The following CADPS variants were observed in gnomAD, a reference collection of about 807,000 sequenced individuals.
CADPS encodes calcium dependent secretion activator.
Under a neutral mutation model 167.3 loss-of-function variants are expected in CADPS, and 57 were observed. The ratio of observed to expected loss-of-function variants is 0.34; its 90% CI spans 0.28 to 0.42. The LOEUF (loss-of-function observed/expected upper bound fraction) is 0.42. CADPS is among the 20% of genes least tolerant of loss of function. The probability of loss-of-function intolerance (pLI) is 1.00; values close to 1 mark genes in which losing one functional copy is unlikely to be tolerated. For missense variants in CADPS, 1,414 were observed against 1,738.1 expected (o/e 0.81, Z 3.32); for synonymous variants, 676 against 635.3 (o/e 1.06, Z -0.96).
At chr3:62,489,317 C>A (rs62243488) in intron 21 of CADPS, among the ~76,000 whole-genome samples, 135 of 152,082 alleles carry the variant, frequency 8.9e-4, no homozygotes, top group Non-Finnish European at 1.5e-3. Flanking sequence ...CCCACCACCA[C>A]GCCCAGCTAA....
intron 18 of CADPS, 114 bp from the exon 19 acceptor site, chr3:62,493,779 T>G: frequency 1.2e-6 from 1 of 861,178 alleles, no homozygotes. Context: ...ACCTCACTGA[T>G]TCAGATTAAT....
intron 6 of CADPS, among the ~76,000 whole-genome samples, chr3:62,595,929 A>G (rs2058846173): frequency 6.6e-6 from 1 of 152,116 alleles, no homozygotes; most frequent in South Asian, 2.1e-4. Context: ...TCTTTCTCCC[A>G]TGCTGGATGC....
At chr3:62,630,005 AT>A (rs956589118) in intron 6 of CADPS, among the ~76,000 whole-genome samples, 2 of 151,972 alleles carry the variant, frequency 1.3e-5, no homozygotes, top group Non-Finnish European at 2.9e-5. Context: ...ACTCTGTTTA[AT>A]TTTTTTCATA....
At chr3:62,788,731 C>A (rs1343086489) in intron 1 of CADPS, among the ~76,000 whole-genome samples, 1 of 152,138 alleles carries the variant, frequency 6.6e-6, no homozygotes, top group Non-Finnish European at 1.5e-5. Flanking sequence ...GAATAAACTG[C>A]TGTCTTGCCC....
At chr3:62,614,565 G>A (rs1390052986) in intron 6 of CADPS, among the ~76,000 whole-genome samples, 1 of 152,198 alleles carries the variant, frequency 6.6e-6, no homozygotes, top group Non-Finnish European at 1.5e-5. Context: ...TCAGGCATCT[G>A]TATTCTGTAT....
chr3:62,631,200 T>C (rs1248098713), intron 6 of CADPS, among the ~76,000 whole-genome samples: 1 of 152,004 alleles, frequency 6.6e-6, no homozygotes. Context: ...AAAATTTAGG[T>C]GGTAGGTAAT....
intron 6 of CADPS, among the ~76,000 whole-genome samples, chr3:62,642,917 CAAAA>C (rs1563246952): frequency 1.5e-5 from 1 of 66,244 alleles, no homozygotes; most frequent in Admixed American, 1.3e-4. Context: ...TCTCAAAAGA[CAAAA>C]CAAAACAAAA....
intron 1 of CADPS, among the ~76,000 whole-genome samples, chr3:62,821,890 AC>A (rs1264284947): frequency 1.3e-5 from 2 of 151,746 alleles, no homozygotes; most frequent in Non-Finnish European, 2.9e-5. Context: ...TCATTCCCAA[AC>A]TCAGTTTGTT....
At chr3:62,506,105 G>A (rs554750788) in intron 17 of CADPS, among the ~76,000 whole-genome samples, 4 of 152,244 alleles carry the variant, frequency 2.6e-5, no homozygotes, top group African/African-American at 9.6e-5. Context: ...TACTATTTAA[G>A]ACAGCTGTGC....
intron 1 of CADPS, among the ~76,000 whole-genome samples, chr3:62,772,500 A>G (rs147256138): frequency 1.3e-5 from 2 of 152,326 alleles, no homozygotes; most frequent in Middle Eastern, 3.4e-3. Flanking sequence ...CATGGTATCT[A>G]TCTCATGACC....
chr3:62,844,584 T>A (rs1405004676), intron 1 of CADPS, among the ~76,000 whole-genome samples: 2 of 152,118 alleles, frequency 1.3e-5, no homozygotes, highest in African/African-American at 4.8e-5. Flanking sequence ...GAAAAACAAA[T>A]AATCTAAGCT....
At chr3:62,665,331 C>A (rs1352582551) in intron 3 of CADPS, among the ~76,000 whole-genome samples, 1 of 152,132 alleles carries the variant, frequency 6.6e-6, no homozygotes, top group African/African-American at 2.4e-5. Flanking sequence ...AATCACAGAG[C>A]AGTTTGGAAA....
intron 1 of CADPS, among the ~76,000 whole-genome samples, chr3:62,774,108 T>C (rs1017861860): frequency 2.0e-5 from 3 of 151,844 alleles, no homozygotes; most frequent in African/African-American, 7.3e-5. Context: ...GAAAAATGCA[T>C]CTAGAAGGTG....
At chr3:62,486,925 G>T (rs528713381) in intron 21 of CADPS, among the ~76,000 whole-genome samples, 1 of 152,318 alleles carries the variant, frequency 6.6e-6, no homozygotes, top group Non-Finnish European at 1.5e-5. Context: ...CTAGGCAAAG[G>T]GTAGTAACAT....
intron 1 of CADPS, among the ~76,000 whole-genome samples, chr3:62,790,639 G>A (rs146262389): frequency 6.6e-6 from 1 of 152,298 alleles, no homozygotes; most frequent in Non-Finnish European, 1.5e-5. Context: ...TACATCTCCT[G>A]TTTGAGCCTT....
In CADPS at chr3:62,687,974, C is replaced by T. The variant is rs182539286; in HGVS notation, c.889-25580G>A. Among the ~76,000 whole-genome samples the T allele has an allele frequency of 1.6e-3, 239 of 152,004 alleles. 1 individual carries two copies. The highest frequency in any genetic ancestry group is 5.2e-3 in the Admixed American group (80 of 15,268). ...CTAAAGTAAAACAATTCTTCAAATC[C>T]CTTTCATCATTTATTCAACAAGTAT... On this transcript the variant is annotated intron_variant, in intron 3 of 29. Coordinates refer to ENST00000383710, the MANE Select transcript of CADPS (RefSeq NM_003716.4).
Position 62,421,095 on chromosome 3 carries a change from G to A in CADPS, c.3777+17009C>T, listed in dbSNP as rs557947695. ...CCAGGAGGTAAGAAGTCTGCGTCAG[G>A]TCCCCCATTGAAGTGTTCAGATGGG... On this transcript the variant is annotated intron_variant, in intron 28 of 29. Coordinates refer to ENST00000383710, the MANE Select transcript of CADPS (RefSeq NM_003716.4). This position sits in a 1 kb window ranked among gnomAD's most constrained non-coding sequence, Gnocchi z 4.7. 6.6e-6 allele frequency among the ~76,000 whole-genome samples: 1 copy of A among 152,212 alleles called. No individual in the cohort carries two copies. Among genetic ancestry groups the A allele is most frequent in the Non-Finnish European group, 1.5e-5 (1 of 68,014 alleles).
intron 3 of CADPS, among the ~76,000 whole-genome samples, chr3:62,708,251 G>GGA (rs2082692372): frequency 6.7e-6 from 1 of 150,196 alleles, no homozygotes; most frequent in Non-Finnish European, 1.5e-5. Context: ...AAAGTGGAGA[G>GGA]AAAAAAAAGC....
At chr3:62,436,190 AG>A (rs2055001099) in intron 28 of CADPS, among the ~76,000 whole-genome samples, 1 of 152,176 alleles carries the variant, frequency 6.6e-6, no homozygotes, top group Non-Finnish European at 1.5e-5. Flanking sequence ...TCAAAAAAAG[AG>A]AGGCAAGGGT....
Sources: gnomAD v4.1 joint callset for allele counts (sites outside exome capture counted in the v4.1 genomes callset) on GRCh38, gnomAD v4.1.1 for gene constraint, Gnocchi (gnomAD v3.1) non-coding constraint, MANE v1.5 for transcripts, NCBI Gene and HGNC (gene_info 2026-07-23, HGNC 2026-07-21) for gene names.